The following CALN1 variants were observed in gnomAD, a reference collection of about 807,000 sequenced individuals.
CALN1 encodes calneuron 1.
CALN1 carries 17 observed loss-of-function variants against 30.6 expected under a neutral mutation model. That is an observed-to-expected ratio of 0.56 (90% CI 0.38 to 0.83). The LOEUF (loss-of-function observed/expected upper bound fraction) is 0.83. Among genes scored for constraint, CALN1 ranks in the 40% least tolerant of loss-of-function variants. CALN1 has a pLI of 0.00. For synonymous variants in CALN1, 156 were observed against 131.4 expected (o/e 1.19, Z -1.28); for missense variants, 291 against 354.9 (o/e 0.82, Z 1.45).
At chr7:72,011,701 A>T (rs1325303854) in intron 5 of CALN1, among the ~76,000 whole-genome samples, 2 of 152,130 alleles carry the variant, frequency 1.3e-5, no homozygotes, top group Non-Finnish European at 2.9e-5. Flanking sequence ...ATTGAGAGAG[A>T]GTCTCACTCT....
At chr7:72,386,806 A>C (rs562457478) in intron 2 of CALN1, among the ~76,000 whole-genome samples, 1 of 152,210 alleles carries the variant, frequency 6.6e-6, no homozygotes, top group African/African-American at 2.4e-5. Flanking sequence ...TAGCTAATTT[A>C]AAAAAATAAA....
chr7:72,359,722 TC>T (rs1803447217), intron 2 of CALN1, among the ~76,000 whole-genome samples: 1 of 152,024 alleles, frequency 6.6e-6, no homozygotes, highest in Non-Finnish European at 1.5e-5. Context: ...ACGCCTGTAA[TC>T]TCAGCACTTT....
At chr7:71,915,057 T>C (rs1411176716) in intron 5 of CALN1, among the ~76,000 whole-genome samples, 1 of 152,244 alleles carries the variant, frequency 6.6e-6, no homozygotes, top group Non-Finnish European at 1.5e-5. Flanking sequence ...TTCCTGTGTT[T>C]TGTTTAAGGC....
chr7:72,385,440 T>C (rs182061350), intron 2 of CALN1, among the ~76,000 whole-genome samples: 129 of 152,244 alleles, frequency 8.5e-4, no homozygotes, highest in African/African-American at 3.0e-3. Flanking sequence ...CTGTGGTACA[T>C]CTATGAAATG....
intron 4 of CALN1, among the ~76,000 whole-genome samples, chr7:72,024,056 G>C (rs1283409607): frequency 1.3e-5 from 2 of 152,122 alleles, no homozygotes; most frequent in African/African-American, 2.4e-5. Flanking sequence ...CCTCACCCCT[G>C]CTTCTCCTTT....
intron 1 of CALN1, among the ~76,000 whole-genome samples, chr7:72,409,144 C>A (rs1359494710): frequency 6.6e-6 from 1 of 151,822 alleles, no homozygotes; most frequent in African/African-American, 2.4e-5. Context: ...TACAGGCGCC[C>A]GCCACCGCTC....
chr7:71,939,403 C>CAAAAAAAAAAAAAA (rs56368426), intron 5 of CALN1, among the ~76,000 whole-genome samples: 1 of 105,478 alleles, frequency 9.5e-6, no homozygotes, highest in Admixed American at 9.9e-5. Flanking sequence ...ACTAAAAATA[C>CAAAAAAAAAAAAAA]AAAAAAAAAA....
Position 71,779,702 on chromosome 7 carries a change from T to A in CALN1, c.*8073A>T, listed in dbSNP as rs962364026. Reference sequence around the variant, plus strand: ...TGCTAAGTTAATTTATATTAATATGTACATTTTATATAAAGATTCTTTTTT... The same window carrying A: ...TGCTAAGTTAATTTATATTAATATGAACATTTTATATAAAGATTCTTTTTT... On this transcript the variant is annotated 3_prime_UTR_variant, in exon 7 of 7. Transcript: ENST00000395275. The A allele has an allele frequency of 3.3e-5, 5 of 152,218 alleles. No individual in the cohort carries two copies. The highest frequency in any genetic ancestry group is 1.2e-4 in the African/African-American group (5 of 41,450). 9.4% of individuals were successfully genotyped at this position (152,218 alleles called of 1,614,324 possible). A position where few individuals can be genotyped will look rare whatever the true frequency, so the allele number is the denominator to read the frequency against.
chr7:72,183,384 T>C (rs1789955328), intron 3 of CALN1, among the ~76,000 whole-genome samples: 1 of 152,266 alleles, frequency 6.6e-6, no homozygotes, highest in African/African-American at 2.4e-5. Context: ...ATTAGAAATC[T>C]ACAGTGGCGG....
intron 1 of CALN1, among the ~76,000 whole-genome samples, chr7:72,410,031 C>G (rs913916723): frequency 6.6e-6 from 1 of 151,992 alleles, no homozygotes; most frequent in Non-Finnish European, 1.5e-5. Flanking sequence ...TATAACTGAA[C>G]ATAATTCTTT....
At chr7:72,041,251 T>C (rs1344236914) in intron 4 of CALN1, among the ~76,000 whole-genome samples, 3 of 152,082 alleles carry the variant, frequency 2.0e-5, no homozygotes, top group African/African-American at 4.8e-5. Context: ...GGTTAGTCTC[T>C]AGTAATGTTC....
intron 3 of CALN1, among the ~76,000 whole-genome samples, chr7:72,121,255 T>A (rs1808363221): frequency 7.2e-6 from 1 of 138,926 alleles, no homozygotes; most frequent in Non-Finnish European, 1.5e-5. Context: ...ATAATACATA[T>A]CTATTATATA....
intron 6 of CALN1, among the ~76,000 whole-genome samples, chr7:71,790,404 G>GAAAGAAAGAAAGA (rs1562780301): frequency 7.9e-6 from 1 of 126,198 alleles, no homozygotes; most frequent in South Asian, 2.5e-4. Flanking sequence ...AAGAAAGAAA[G>GAAAGAAAGAAAGA]AAAGAAAGAA....
upstream of CALN1, among the ~76,000 whole-genome samples, chr7:72,415,535 T>C (rs1807395295): frequency 6.6e-6 from 1 of 152,236 alleles, no homozygotes; most frequent in Admixed American, 6.5e-5. Flanking sequence ...ATTTTTTAAA[T>C]GCTGGCAACA....
At chr7:72,030,677 T>C (rs2129531840) in intron 4 of CALN1, among the ~76,000 whole-genome samples, 1 of 152,188 alleles carries the variant, frequency 6.6e-6, no homozygotes. Context: ...AACCTGATAA[T>C]CATAATAATA....
intron 5 of CALN1, among the ~76,000 whole-genome samples, chr7:71,993,425 C>A (rs577004494): frequency 6.6e-6 from 1 of 150,532 alleles, no homozygotes; most frequent in Non-Finnish European, 1.5e-5. Context: ...ATGATTGCAC[C>A]GCTGCACCCC....
chr7:72,399,318 T>C (rs1806186248), intron 2 of CALN1, among the ~76,000 whole-genome samples: 1 of 137,268 alleles, frequency 7.3e-6, no homozygotes. Context: ...GTCACCAGGC[T>C]GGAGTGCAGT....
At chr7:72,349,318 G>A (rs1224767113) in intron 2 of CALN1, among the ~76,000 whole-genome samples, 3 of 143,394 alleles carry the variant, frequency 2.1e-5, no homozygotes, top group African/African-American at 7.7e-5. Context: ...GTGTGTGTGT[G>A]TGTGTTGGGA....
the CALN1 span, among the ~76,000 whole-genome samples, chr7:72,457,932 T>C: frequency 0.055 from 8,298 of 150,916 alleles, 773 homozygotes; most frequent in African/African-American, 0.19. Context: ...CTTTTTGTAT[T>C]TTTTGTAGAG....
Sources: gnomAD v4.1 joint callset for allele counts (sites outside exome capture counted in the v4.1 genomes callset) on GRCh38, gnomAD v4.1.1 for gene constraint, MANE v1.5 for transcripts, NCBI Gene and HGNC (gene_info 2026-07-23, HGNC 2026-07-21) for gene names.